Variants in FAM53C observed in about 807,000 individuals in gnomAD.
FAM53C encodes family with sequence similarity 53 member C, also known as protein FAM53C.
FAM53C carries 10 observed loss-of-function variants against 34.7 expected under a neutral mutation model. The observed-to-expected ratio is 0.29, with a 90% CI of 0.18 to 0.49. The LOEUF (loss-of-function observed/expected upper bound fraction) is 0.49. Ranked by LOEUF, FAM53C falls within the 20% of genes least tolerant of loss-of-function variation. The pLI, the probability that FAM53C is intolerant of heterozygous loss-of-function variation, is 0.99. For synonymous variants in FAM53C, 203 were observed against 203.6 expected, an observed-to-expected ratio of 1.00 and a Z score of 0.03; for missense variants, 442 against 515.3, an observed-to-expected ratio of 0.86 and a Z score of 1.38.
At chr5:138,343,510 CAAA>C (rs548727260) in intron 3 of FAM53C, among the ~76,000 whole-genome samples, 17 of 77,114 alleles carry the variant, frequency 2.2e-4, no homozygotes, top group Non-Finnish European at 3.8e-4. Flanking sequence ...GATTCCATCT[CAAA>C]AAAAAAAAAA....
In FAM53C at chr5:138,345,162, G is replaced by A. The variant is rs759615229; in HGVS notation, c.474G>A (p.Val158=). 1.9e-6 allele frequency: 3 copies of A among 1,614,180 alleles called. No homozygotes were observed. The highest frequency in any genetic ancestry group is 4.5e-5 in the East Asian group (2 of 44,882). ...GTGGTGGAGGGGGTGGGCCGCAGGTGCCTCACCAGAGCCCCCCAAAGCGGG... is the reference window on the plus strand; with the variant it reads ...GTGGTGGAGGGGGTGGGCCGCAGGTACCTCACCAGAGCCCCCCAAAGCGGG... ...RGSGGGGGPQ[V]PHQSPPKRVS... is the part of the protein sequence containing the mutation. The change falls in exon 4 of 5, where the codon GTG becomes GTA. Residue 158 remains valine (V), a synonymous_variant. Transcript: ENST00000239906. The surrounding 1 kb of genome is among the most constrained non-coding windows in gnomAD (Gnocchi z 6.3).
upstream of FAM53C, chr5:138,338,260 G>C (rs1032938577): frequency 2.9e-6 from 3 of 1,040,342 alleles, no homozygotes; most frequent in Non-Finnish European, 3.9e-6. Context: ...GGCGAACCGA[G>C]CGCTCAGAGC....
chr5:138,341,618 G>T, intron 2 of FAM53C, 191 bp from the exon 3 acceptor site: 2 of 731,172 alleles, frequency 2.7e-6, no homozygotes, highest in Non-Finnish European at 4.7e-6. Context: ...AACTTGGGTG[G>T]AGAAGGGTTT....
intron 3 of FAM53C, among the ~76,000 whole-genome samples, chr5:138,344,459 A>G (rs1054198371): frequency 3.3e-5 from 5 of 152,292 alleles, no homozygotes; most frequent in African/African-American, 1.2e-4. Flanking sequence ...ACACTCACAA[A>G]CGTGTTTGTT....
intron 3 of FAM53C, among the ~76,000 whole-genome samples, chr5:138,343,553 C>T (rs1040345633): frequency 9.2e-5 from 14 of 151,544 alleles, no homozygotes; most frequent in Non-Finnish European, 1.5e-4. Context: ...TAGTGAATAA[C>T]CTTGTACATA....
chr5:138,344,584 C>G (rs1324564128), intron 3 of FAM53C, among the ~76,000 whole-genome samples: 1 of 152,206 alleles, frequency 6.6e-6, no homozygotes, highest in East Asian at 1.9e-4. Flanking sequence ...AAAAACCTAG[C>G]CTTCGCATCA....
rs1760865943 is a variant in FAM53C at position 138,338,286 on chromosome 5, C to G, written c.-174C>G. The G allele has an allele frequency of 2.4e-6, 2 of 834,082 alleles. No homozygotes were observed. The highest frequency in any genetic ancestry group is 3.5e-6 in the Non-Finnish European group (2 of 574,150). The allele number at this position is 834,082 out of a possible 1,614,324, so 51.7% of individuals were successfully genotyped here. ...CGCTCAGAGCTGCTCCGGCCGCGGC[C>G]CTGGGAGCTGGAGGAACCGCGGTAG... On this transcript the variant is annotated 5_prime_UTR_variant, in exon 1 of 5. Coordinates refer to ENST00000239906, the MANE Select transcript of FAM53C (RefSeq NM_016605.3).
chr5:138,343,377 G>A (rs1316068061), intron 3 of FAM53C, among the ~76,000 whole-genome samples: 1 of 151,960 alleles, frequency 6.6e-6, no homozygotes, highest in Non-Finnish European at 1.5e-5. Flanking sequence ...GGGCATGGTG[G>A]CAGGCGCCTG....
In FAM53C at chr5:138,349,697, A is replaced by C. The variant is rs1761269158; in HGVS notation, c.*2738A>C. The C allele has an allele frequency of 6.6e-6, 1 of 152,270 alleles. No individual in the cohort carries two copies. Among genetic ancestry groups the C allele is most frequent in the South Asian group, 2.1e-4 (1 of 4,832 alleles). The allele number at this position is 152,270 out of a possible 1,614,324, so 9.4% of individuals were successfully genotyped here. On this transcript the variant is annotated 3_prime_UTR_variant, in exon 5 of 5. Coordinates refer to ENST00000239906, the MANE Select transcript of FAM53C (RefSeq NM_016605.3). ...TCTGTGGCTGTGTTTGAAAAAATAA[A>C]GTTTTATTAGAATAATCCATTTTCC...
intron 3 of FAM53C, among the ~76,000 whole-genome samples, chr5:138,344,392 C>T (rs938011630): frequency 6.6e-6 from 1 of 152,230 alleles, no homozygotes; most frequent in Non-Finnish European, 1.5e-5. Context: ...AGAGCATAGG[C>T]CTGCTTTTCA....
Position 138,347,258 on chromosome 5 carries a change from G to A in FAM53C, c.*299G>A, listed in dbSNP as rs1761206173. 9.4e-6 allele frequency: 4 copies of A among 426,374 alleles called. No homozygotes were observed. The highest frequency in any genetic ancestry group is 2.5e-5 in the South Asian group (1 of 39,518). 26.4% of individuals were successfully genotyped at this position (426,374 alleles called of 1,614,324 possible). A position where few individuals can be genotyped will look rare whatever the true frequency, so the allele number is the denominator to read the frequency against. On this transcript the variant is annotated 3_prime_UTR_variant, in exon 5 of 5. Coordinates refer to ENST00000239906, the MANE Select transcript of FAM53C (RefSeq NM_016605.3). The stretch of plus-strand genomic sequence containing the variant: ...CAATGGGCAGGGAAGGAAGGGGTCT[G>A]CCGACCCCAGCTCGGGGAATTTCAC...
At chr5:138,343,892 A>G (rs1232782420) in intron 3 of FAM53C, 3 of 152,270 alleles carry the variant, frequency 2.0e-5, no homozygotes, top group African/African-American at 4.8e-5. Context: ...GGGAAGAACT[A>G]TAGACCAAAT....
chr5:138,340,421 G>C (rs894586849), intron 1 of FAM53C, among the ~76,000 whole-genome samples: 1 of 152,192 alleles, frequency 6.6e-6, no homozygotes, highest in African/African-American at 2.4e-5. Flanking sequence ...AGGCCCCTCA[G>C]GTAATTGTGT....
chr5:138,346,164 GAATT>G (rs1242835873), intron 4 of FAM53C, among the ~76,000 whole-genome samples: 1 of 152,166 alleles, frequency 6.6e-6, no homozygotes, highest in Non-Finnish European at 1.5e-5. Flanking sequence ...ACCTCTTTAA[GAATT>G]AATTAATTTT....
intron 4 of FAM53C, among the ~76,000 whole-genome samples, chr5:138,346,147 G>A (rs997359023): frequency 6.6e-6 from 1 of 152,150 alleles, no homozygotes; most frequent in African/African-American, 2.4e-5. Context: ...AGACCACTAG[G>A]TTACAAACCT....
chr5:138,346,790 C>G lies in FAM53C; in HGVS notation c.1010C>G (p.Pro337Arg), dbSNP rs758612656. 5 of 1,614,192 alleles carry G rather than the reference C, an allele frequency of 3.1e-6. No homozygotes were observed. Among genetic ancestry groups the G allele is most frequent in the Admixed American group, 3.3e-5 (2 of 60,030 alleles). The stretch of plus-strand genomic sequence containing the variant: ...CCATGGTTCATGGCCTGTAGCCCCC[C>G]ACCCCTCTCTGCTTCCTGCAGCCCC... ...SPPWFMACSPPPLSASCSPTG... is the reference protein window; with the variant it reads ...SPPWFMACSPRPLSASCSPTG... The change falls in exon 5 of 5, where the codon CCA becomes CGA. Residue 337 changes from proline to arginine, a missense_variant. Physicochemically the swap from Pro to Arg is moderately radical, Grantham distance 103. Coordinates refer to ENST00000239906, the MANE Select transcript of FAM53C (RefSeq NM_016605.3).
At chr5:138,343,441 C>T (rs190353963) in intron 3 of FAM53C, among the ~76,000 whole-genome samples, 99 of 149,658 alleles carry the variant, frequency 6.6e-4, no homozygotes, top group African/African-American at 2.2e-3. Flanking sequence ...ATCCAGGAGG[C>T]GGAGGTTGCA....
At chr5:138,343,444 A>G (rs960686200) in intron 3 of FAM53C, among the ~76,000 whole-genome samples, 1 of 151,028 alleles carries the variant, frequency 6.6e-6, no homozygotes, top group Admixed American at 6.6e-5. Flanking sequence ...CAGGAGGCGG[A>G]GGTTGCAGTG....
In FAM53C at chr5:138,346,874, G is replaced by A. The variant is rs760119242; in HGVS notation, c.1094G>A (p.Arg365Gln). 7 of 1,614,064 alleles carry A rather than the reference G, an allele frequency of 4.3e-6. No homozygotes were observed. The highest frequency in any genetic ancestry group is 2.2e-5 in the South Asian group (2 of 91,088). Residue 365 changes from arginine (R) to glutamine (Q), a missense_variant, in exon 5 of 5, where the codon CGG becomes CAG. Transcript: ENST00000239906. ...ESEEEEEGAV[R>Q]WGRQALSKRT... Reference sequence around the variant, plus strand: ...GAAGAGGAGGAGGAGGGGGCTGTGCGGTGGGGTCGGCAGGCGCTGAGCAAG... The same window carrying A: ...GAAGAGGAGGAGGAGGGGGCTGTGCAGTGGGGTCGGCAGGCGCTGAGCAAG...
Sources: allele counts gnomAD v4.1 joint callset (sites outside exome capture counted in the v4.1 genomes callset), GRCh38; gene constraint gnomAD v4.1.1; non-coding constraint Gnocchi (gnomAD v3.1); transcripts MANE v1.5; gene names NCBI Gene and HGNC (gene_info 2026-07-23, HGNC 2026-07-21).